TNMD: variants seen among roughly 807,000 people sequenced by gnomAD.
The protein encoded by TNMD is tenomodulin.
In TNMD, 15 loss-of-function variants were observed where a neutral mutation model predicts 26.9. The observed-to-expected ratio is 0.56, with a 90% confidence interval of 0.37 to 0.86. The LOEUF is 0.86. TNMD is among the 40% of genes least tolerant of loss of function. The pLI is 0.00. For synonymous variants in TNMD, 73 were observed against 77.0 expected, an observed-to-expected ratio of 0.95 and a Z score of 0.27; for missense variants, 222 against 242.6, an observed-to-expected ratio of 0.92 and a Z score of 0.56.
At chrX:100,591,251 T>G (rs1293938546) in intron 2 of TNMD, among the ~76,000 whole-genome samples, 1 of 112,018 alleles carries the variant, frequency 8.9e-6, no homozygotes, top group Non-Finnish European at 1.9e-5. Flanking sequence ...GGAATAAAGC[T>G]GAGTTGGAGG....
chrX:100,599,356 C>A lies in TNMD; in HGVS notation c.745-152C>A, dbSNP rs1415010586. The A allele has an allele frequency of 1.6e-5, 10 of 616,961 alleles. No individual in the cohort carries two copies. In the East Asian group the frequency reaches 2.9e-4, roughly 18 times the overall value. 50.8% of individuals were successfully genotyped at this position (616,961 alleles called of 1,213,427 possible). ...AGGCTCATTCAAAATCAATCTCGATCTCTGTAGATATATCTCCATGATCAG... is the reference window on the plus strand; with the variant it reads ...AGGCTCATTCAAAATCAATCTCGATATCTGTAGATATATCTCCATGATCAG... On this transcript the variant is annotated intron_variant, in intron 6 of 6. Coordinates refer to ENST00000373031, the MANE Select transcript of TNMD (RefSeq NM_022144.3).
At chrX:100,599,291 C>CA (rs58182382) in intron 6 of TNMD, 109 bp downstream of exon 6, 10,772 of 615,232 alleles carry the variant, frequency 0.018, 43 homozygotes, top group African/African-American at 0.058. Flanking sequence ...ATGGCTTTAA[C>CA]AAAAAAAAAA....
At chrX:100,593,563 C>T (rs1468894685) in intron 2 of TNMD, 2 of 151,313 alleles carry the variant, frequency 1.3e-5, no homozygotes, top group African/African-American at 3.5e-5. Flanking sequence ...ATGAATTTCA[C>T]GGGTGAGGGG....
Position 100,594,252 on chromosome X carries a change from GTT to G in TNMD, c.322-6_322-5del, listed in dbSNP as rs2082946563. 4 of 1,166,329 alleles carry G rather than the reference GTT, an allele frequency of 3.4e-6. No homozygotes were observed. Among genetic ancestry groups the G allele is most frequent in the Admixed American group, 2.3e-5 (1 of 43,706 alleles). On this transcript the variant is annotated splice_region_variant and splice_polypyrimidine_tract_variant and intron_variant, in intron 3 of 6. Transcript: ENST00000373031. ...GGGAAGCTTTATTGTTGTTTTGTCT[GTT>G]TTATAGGGATACACTGGCATCTACT...
chrX:100,594,196 G>C, intron 3 of TNMD, 65 bp from the exon 4 acceptor site: 1 of 1,005,247 alleles, frequency 9.9e-7, no homozygotes, highest in East Asian at 3.1e-5. Flanking sequence ...GACCCCAACA[G>C]ATCATGGAAC....
At chrX:100,587,085 G>C (rs571656797) in intron 2 of TNMD, among the ~76,000 whole-genome samples, 1 of 112,233 alleles carries the variant, frequency 8.9e-6, no homozygotes, top group African/African-American at 3.2e-5. Flanking sequence ...TTGTTTTATT[G>C]TTGTCATTGG....
chrX:100,594,843 TA>T (rs1438181721), intron 4 of TNMD, among the ~76,000 whole-genome samples: 1 of 112,140 alleles, frequency 8.9e-6, no homozygotes, highest in African/African-American at 3.2e-5. Flanking sequence ...TCATTCACCT[TA>T]CCATTTTATG....
intron 2 of TNMD, chrX:100,593,485 C>A: frequency 2.0e-6 from 1 of 489,609 alleles, no homozygotes; most frequent in Non-Finnish European, 2.5e-6. Flanking sequence ...TATTAAAGCC[C>A]TGGATAAATA....
At chrX:100,593,820 G>C in intron 2 of TNMD, 75 bp from the exon 3 acceptor site, 1 of 1,092,853 alleles carries the variant, frequency 9.2e-7, no homozygotes, top group Non-Finnish European at 1.2e-6. Context: ...CCCCATATCA[G>C]CTCCAGCGCC....
intron 4 of TNMD, among the ~76,000 whole-genome samples, chrX:100,596,837 A>T (rs1345549765): frequency 8.9e-6 from 1 of 112,182 alleles, no homozygotes; most frequent in Non-Finnish European, 1.9e-5. Context: ...TCACAATATA[A>T]AAAAAGCTGC....
At chrX:100,591,793 C>CA (rs61284791) in intron 2 of TNMD, among the ~76,000 whole-genome samples, 6,289 of 111,118 alleles carry the variant, frequency 0.057, 449 homozygotes, top group African/African-American at 0.19. Flanking sequence ...TCTCCCCTAC[C>CA]AAAAAAACTC....
intron 4 of TNMD, among the ~76,000 whole-genome samples, chrX:100,594,616 A>T (rs1233866259): frequency 9.0e-6 from 1 of 111,457 alleles, no homozygotes; most frequent in Non-Finnish European, 1.9e-5. Context: ...CAAGTGCATA[A>T]TTTTAGGTGC....
chrX:100,588,234 A>T, intron 2 of TNMD, among the ~76,000 whole-genome samples: 1 of 110,606 alleles, frequency 9.0e-6, no homozygotes, highest in Non-Finnish European at 1.9e-5. Flanking sequence ...GCCATGCTTG[A>T]CCTCCTCCCC....
Position 100,599,072 on chromosome X carries a change from G to A in TNMD, c.634G>A (p.Glu212Lys), listed in dbSNP as rs1569344294. Reference protein sequence around the residue: ...EGEDLHFPANEKKGIEQNEQW... With the variant: ...EGEDLHFPANKKKGIEQNEQW... Reference sequence around the variant, plus strand: ...AGAAGATCTTCACTTTCCTGCCAACGAAAAAAAAGGGATTGAACAAAATGA... The same window carrying A: ...AGAAGATCTTCACTTTCCTGCCAACAAAAAAAAAGGGATTGAACAAAATGA... Residue 212 changes from glutamate to lysine, a missense_variant, in exon 6 of 7, where the codon GAA becomes AAA. Transcript: ENST00000373031. 3 of 1,202,225 alleles carry A rather than the reference G, an allele frequency of 2.5e-6. No homozygotes were observed. The highest frequency in any genetic ancestry group is 1.8e-5 in the South Asian group (1 of 55,318).
intron 2 of TNMD, among the ~76,000 whole-genome samples, chrX:100,592,446 T>C (rs1380118551): frequency 8.9e-6 from 1 of 112,304 alleles, no homozygotes; most frequent in East Asian, 2.8e-4. Flanking sequence ...TTTAAAATGG[T>C]TTTTTTAAAA....
intron 2 of TNMD, among the ~76,000 whole-genome samples, chrX:100,589,472 T>C (rs185103763): frequency 9.0e-6 from 1 of 110,877 alleles, no homozygotes; most frequent in African/African-American, 3.3e-5. Flanking sequence ...TCTGGGCTAC[T>C]CAAGGGCAGC....
chrX:100,594,268 C>T lies in TNMD; in HGVS notation c.329C>T (p.Thr110Ile). ...LEVHDFKNGYTGIYFVGLQKC... is the reference protein window; with the variant it reads ...LEVHDFKNGYIGIYFVGLQKC... Reference sequence around the variant, plus strand: ...GTTTTGTCTGTTTTATAGGGATACACTGGCATCTACTTCGTGGGTCTTCAA... The same window carrying T: ...GTTTTGTCTGTTTTATAGGGATACATTGGCATCTACTTCGTGGGTCTTCAA... Residue 110 changes from threonine to isoleucine, a missense_variant, in exon 4 of 7, where the codon ACT becomes ATT. Thr to Ile is a moderately conservative substitution (Grantham distance 89). Coordinates refer to ENST00000373031, the MANE Select transcript of TNMD (RefSeq NM_022144.3). 1 of 1,187,467 alleles carries T rather than the reference C, an allele frequency of 8.4e-7. No homozygotes were observed. The highest frequency in any genetic ancestry group is 1.1e-6 in the Non-Finnish European group (1 of 878,913).
intron 2 of TNMD, among the ~76,000 whole-genome samples, chrX:100,589,017 G>A (rs2147605702): frequency 9.0e-6 from 1 of 111,443 alleles, no homozygotes; most frequent in African/African-American, 3.3e-5. Context: ...CACTAAAACA[G>A]TCTCCCCCAG....
At chrX:100,586,949 A>G (rs578071742) in intron 2 of TNMD, among the ~76,000 whole-genome samples, 2 of 112,087 alleles carry the variant, frequency 1.8e-5, no homozygotes, top group South Asian at 3.7e-4. Flanking sequence ...AAAATTATCC[A>G]TGAGTTAAAG....
Sources: allele counts gnomAD v4.1 joint callset (sites outside exome capture counted in the v4.1 genomes callset), GRCh38; gene constraint gnomAD v4.1.1; transcripts MANE v1.5; gene names NCBI Gene and HGNC (gene_info 2026-07-23, HGNC 2026-07-21).